The following UBLCP1 variants were observed in gnomAD, a reference collection of about 807,000 sequenced individuals.
UBLCP1 encodes the protein ubiquitin like domain containing CTD phosphatase 1.
In UBLCP1, 28 loss-of-function variants were observed where a neutral mutation model predicts 42.4. That is an observed-to-expected ratio of 0.66 (90% CI 0.49 to 0.90). The LOEUF is 0.90. Among genes scored for constraint, UBLCP1 ranks in the 40% least tolerant of loss-of-function variants. The pLI, the probability that UBLCP1 is intolerant of heterozygous loss-of-function variation, is 0.00. For missense variants in UBLCP1, 279 were observed against 374.5 expected (o/e 0.75, Z 2.10); for synonymous variants, 122 against 120.8 (o/e 1.01, Z -0.07).
chr5:159,272,217 AAT>A, intron 6 of UBLCP1, 96 bp downstream of exon 6: 1 of 965,740 alleles, frequency 1.0e-6, no homozygotes, highest in Non-Finnish European at 1.6e-6. Flanking sequence ...CCTGTGTTTA[AAT>A]ATGAAATAGT....
In UBLCP1 at chr5:159,269,085, C is replaced by T; in HGVS notation, c.154+16C>T. The T allele has an allele frequency of 6.7e-7, 1 of 1,501,610 alleles. No individual in the cohort carries two copies. The allele number at this position is 1,501,610 out of a possible 1,614,324, so 93.0% of individuals were successfully genotyped here. A position where few individuals can be genotyped will look rare whatever the true frequency, so the allele number is the denominator to read the frequency against. ...AAAGTTAAAGGTAATTCTCTCCCCTCTTCAGATTTTTTGCATTGAATTTTT... is the reference window on the plus strand; with the variant it reads ...AAAGTTAAAGGTAATTCTCTCCCCTTTTCAGATTTTTTGCATTGAATTTTT... On this transcript the variant is annotated intron_variant, in intron 2 of 10. Transcript: ENST00000296786.
Position 159,275,131 on chromosome 5 carries a change from A to G in UBLCP1, c.586-17A>G. On this transcript the variant is annotated splice_polypyrimidine_tract_variant and intron_variant, in intron 7 of 10. Transcript: ENST00000296786. ...CACACTACTATGTTTTAACCTCACA[A>G]ATATTTGTGTTTATAGGAGCTGGGA... The G allele has an allele frequency of 1.2e-6, 2 of 1,606,286 alleles. No individual in the cohort carries two copies. Among genetic ancestry groups the G allele is most frequent in the Non-Finnish European group, 1.7e-6 (2 of 1,174,172 alleles).
At position 159,270,513 on chromosome 5, in the gene UBLCP1, T is replaced by C. The variant is rs1753450633; in HGVS notation, c.333-15T>C. 2 of 1,606,532 alleles carry C rather than the reference T, an allele frequency of 1.2e-6. No homozygotes were observed. The highest frequency in any genetic ancestry group is 1.1e-5 in the South Asian group (1 of 89,942). On this transcript the variant is annotated splice_polypyrimidine_tract_variant and intron_variant, in intron 4 of 10. Transcript: ENST00000296786. ...AACAAGTGAATATTTTATCTAATTA[T>C]ATGTTTTCCATTAGGGAAGAAAACC...
At chr5:159,283,488 C>T (rs554174394) in intron 10 of UBLCP1, 149 bp downstream of exon 10, 8 of 628,558 alleles carry the variant, frequency 1.3e-5, no homozygotes, top group East Asian at 6.5e-5. Context: ...CAGTGACCTA[C>T]CCCCAAAAGT....
At chr5:159,266,427 G>GTACT (rs1277407483) in intron 1 of UBLCP1, among the ~76,000 whole-genome samples, 1 of 152,180 alleles carries the variant, frequency 6.6e-6, no homozygotes. Context: ...GGTGATTTGG[G>GTACT]TACTGTTAAA....
At chr5:159,275,786 T>C (rs1255070018) in intron 8 of UBLCP1, among the ~76,000 whole-genome samples, 1 of 152,148 alleles carries the variant, frequency 6.6e-6, no homozygotes, top group East Asian at 1.9e-4. Context: ...GAACTTGTGA[T>C]TGTGGGTAAT....
chr5:159,271,149 G>A (rs749505504), intron 5 of UBLCP1, among the ~76,000 whole-genome samples: 21 of 152,094 alleles, frequency 1.4e-4, no homozygotes, highest in Non-Finnish European at 1.9e-4. Flanking sequence ...TTATATTCAA[G>A]CAGATTCTTG....
At chr5:159,268,533 A>G (rs930586143) in intron 1 of UBLCP1, among the ~76,000 whole-genome samples, 4 of 152,234 alleles carry the variant, frequency 2.6e-5, no homozygotes, top group African/African-American at 9.6e-5. Flanking sequence ...CAAATGTTAA[A>G]TGAACATGGA....
At chr5:159,266,813 C>A (rs560340975) in intron 1 of UBLCP1, among the ~76,000 whole-genome samples, 6 of 152,206 alleles carry the variant, frequency 3.9e-5, no homozygotes, top group Non-Finnish European at 8.8e-5. Flanking sequence ...AGGGTGGAAG[C>A]CTCAAGCCTT....
rs944758681 is a variant in UBLCP1 at position 159,263,314 on chromosome 5, A to T, written c.-93A>T. The T allele has an allele frequency of 1.3e-5, 2 of 152,336 alleles. No homozygotes were observed. The highest frequency in any genetic ancestry group is 2.4e-5 in the African/African-American group (1 of 41,434). 9.4% of individuals were successfully genotyped at this position (152,336 alleles called of 1,614,324 possible). ...CACTTCCGGTCGCTTTCGGTCTCTC[A>T]GCGGCCGGTTTCTGCGTCCGCTGCC... is the stretch of plus-strand genomic sequence containing the variant. On this transcript the variant is annotated 5_prime_UTR_variant, in exon 1 of 11. Coordinates refer to ENST00000296786, the MANE Select transcript of UBLCP1 (RefSeq NM_145049.5).
intron 10 of UBLCP1, 127 bp downstream of exon 10, chr5:159,283,466 C>T: frequency 1.2e-6 from 1 of 803,814 alleles, no homozygotes; most frequent in East Asian, 3.0e-5. Context: ...CTTCTAAAAA[C>T]ATTTTCTAAT....
chr5:159,270,992 A>T (rs1402425218), intron 5 of UBLCP1, among the ~76,000 whole-genome samples: 2 of 151,630 alleles, frequency 1.3e-5, no homozygotes, highest in East Asian at 1.9e-4. Context: ...GTGTATATAT[A>T]TTTTTTTATT....
intron 5 of UBLCP1, among the ~76,000 whole-genome samples, chr5:159,271,740 A>C (rs1035921236): frequency 1.3e-5 from 2 of 152,226 alleles, no homozygotes; most frequent in Non-Finnish European, 1.5e-5. Flanking sequence ...TAAACTTTAG[A>C]GACTAGGTGA....
rs1018543655 is a variant in UBLCP1, at chr5:159,274,613, T to C, written c.576T>C (p.Ala192=). The change falls in exon 7 of 11, where the codon GCT becomes GCC. Residue 192 remains alanine (A), a synonymous_variant. Coordinates refer to ENST00000296786, the MANE Select transcript of UBLCP1 (RefSeq NM_145049.5). ...WSATNMKWIE[A]KMKELGVSTN... Reference sequence around the variant, plus strand: ...CAACAAATATGAAGTGGATTGAAGCTAAAATGAAAGTAAGTGTTAGAAAGC... The same window carrying C: ...CAACAAATATGAAGTGGATTGAAGCCAAAATGAAAGTAAGTGTTAGAAAGC... 6.2e-7 allele frequency: 1 copy of C among 1,611,502 alleles called. No individual in the cohort carries two copies. The highest frequency in any genetic ancestry group is 8.5e-7 in the Non-Finnish European group (1 of 1,178,544).
At chr5:159,275,482 G>A (rs1050022053) in intron 8 of UBLCP1, 5 of 262,114 alleles carry the variant, frequency 1.9e-5, no homozygotes, top group African/African-American at 2.8e-5. Context: ...GTGCAATCTC[G>A]CTCACGCAAG....
chr5:159,269,198 G>A (rs1366211182), intron 2 of UBLCP1, 129 bp downstream of exon 2: 5 of 628,734 alleles, frequency 8.0e-6, no homozygotes, highest in Non-Finnish European at 1.2e-5. Flanking sequence ...TCTCCCTTTC[G>A]AGATTTCTCT....
chr5:159,264,506 C>T (rs1005380568), intron 1 of UBLCP1, among the ~76,000 whole-genome samples: 1 of 152,188 alleles, frequency 6.6e-6, no homozygotes, highest in Non-Finnish European at 1.5e-5. Flanking sequence ...GTGTTTGTTT[C>T]GCTTGGCCCT....
At chr5:159,269,657 A>C (rs968189994) in intron 2 of UBLCP1, among the ~76,000 whole-genome samples, 1 of 152,212 alleles carries the variant, frequency 6.6e-6, no homozygotes, top group African/African-American at 2.4e-5. Context: ...AATTTTGTTT[A>C]GGTAGTTGAA....
intron 2 of UBLCP1, among the ~76,000 whole-genome samples, chr5:159,269,432 T>C (rs1753437266): frequency 6.6e-6 from 1 of 152,200 alleles, no homozygotes; most frequent in Non-Finnish European, 1.5e-5. Context: ...TCCCAAATTA[T>C]CTTTTCTGTT....
Sources: gnomAD v4.1 joint callset for allele counts (sites outside exome capture counted in the v4.1 genomes callset) on GRCh38, gnomAD v4.1.1 for gene constraint, MANE v1.5 for transcripts, NCBI Gene and HGNC (gene_info 2026-07-23, HGNC 2026-07-21) for gene names.